Variants in PDE5A observed in about 807,000 individuals in gnomAD.
PDE5A encodes cGMP-specific 3',5'-cyclic phosphodiesterase.
Under a neutral mutation model 110.2 loss-of-function variants are expected in PDE5A, and 67 were observed. The ratio of observed to expected loss-of-function variants is 0.61; its 90% CI spans 0.50 to 0.75. The LOEUF is 0.75. PDE5A is among the 30% of genes least tolerant of loss of function. The pLI, the probability that PDE5A is intolerant of heterozygous loss-of-function variation, is 0.00. For synonymous variants in PDE5A, 328 were observed against 351.2 expected (o/e 0.93, Z 0.74); for missense variants, 862 against 1,045.1 (o/e 0.82, Z 2.42).
intron 5 of PDE5A, among the ~76,000 whole-genome samples, chr4:119,564,287 T>C (rs559561739): frequency 1.2e-4 from 18 of 152,226 alleles, no homozygotes; most frequent in African/African-American, 4.3e-4. Flanking sequence ...TTTAGAATTT[T>C]ATACCCAGCC....
chr4:119,553,501 TCCTC>T, intron 8 of PDE5A, 133 bp downstream of exon 8: 1 of 654,248 alleles, frequency 1.5e-6, no homozygotes, highest in Non-Finnish European at 2.7e-6. Flanking sequence ...TTATTCTCCT[TCCTC>T]AGATGAGGGA....
At chr4:119,597,028 T>C (rs954092483) in intron 2 of PDE5A, among the ~76,000 whole-genome samples, 1 of 152,134 alleles carries the variant, frequency 6.6e-6, no homozygotes, top group Non-Finnish European at 1.5e-5. Context: ...AAGGGCTCTT[T>C]TACAGTTCTT....
intron 20 of PDE5A, among the ~76,000 whole-genome samples, chr4:119,500,635 T>A (rs1210249739): frequency 6.6e-6 from 1 of 152,148 alleles, no homozygotes; most frequent in East Asian, 1.9e-4. Flanking sequence ...ATTTGAGTCA[T>A]AAACATCTAA....
intron 1 of PDE5A, among the ~76,000 whole-genome samples, chr4:119,615,088 T>C (rs1036586160): frequency 3.3e-5 from 5 of 152,120 alleles, no homozygotes; most frequent in African/African-American, 4.8e-5. Flanking sequence ...TTCACTGGAG[T>C]TTGAGATCTT....
intron 6 of PDE5A, among the ~76,000 whole-genome samples, chr4:119,561,740 T>C (rs1225744397): frequency 2.0e-5 from 3 of 152,188 alleles, no homozygotes; most frequent in Middle Eastern, 3.2e-3. Flanking sequence ...ATAGTATCTA[T>C]GAAAATACTG....
At chr4:119,598,052 T>C (rs9997423) in intron 2 of PDE5A, among the ~76,000 whole-genome samples, 2,285 of 152,252 alleles carry the variant, frequency 0.015, 60 homozygotes, top group African/African-American at 0.052. Context: ...CAAGATAATG[T>C]TGATGAATTA....
At chr4:119,502,490 TA>T in intron 19 of PDE5A, 90 bp downstream of exon 19, 1 of 722,272 alleles carries the variant, frequency 1.4e-6, no homozygotes, top group Non-Finnish European at 2.4e-6. Flanking sequence ...ATTGTGGTCC[TA>T]AGGAAAGATC....
rs1452756685 is a variant in PDE5A, at chr4:119,563,462, GT to G, written c.994-493del. Among the ~76,000 whole-genome samples, 17 of 152,064 alleles carry G rather than the reference GT, an allele frequency of 1.1e-4. No individual in the cohort carries two copies. The East Asian group carries it at 2.9e-3, about 26-fold the overall frequency. On this transcript the variant is annotated intron_variant, in intron 5 of 20. Transcript: ENST00000354960. ...ACAAAGTTTTAAGAATTTCCTTTGT[GT>G]TTTTTTCTGGTAGATTTCTCTTTCT...
At chr4:119,553,413 T>G (rs1360281528) in intron 8 of PDE5A, among the ~76,000 whole-genome samples, 1 of 152,074 alleles carries the variant, frequency 6.6e-6, no homozygotes, top group Non-Finnish European at 1.5e-5. Flanking sequence ...GGTAACTTAT[T>G]AATAGACATT....
chr4:119,614,807 T>C (rs1162358571), intron 1 of PDE5A, among the ~76,000 whole-genome samples: 3 of 152,188 alleles, frequency 2.0e-5, no homozygotes, highest in African/African-American at 7.2e-5. Flanking sequence ...CTTTCAGCCA[T>C]GAGTCCTGGG....
rs548602167 is a variant in PDE5A, at chr4:119,580,133, C to G, written c.832-12989G>C. On this transcript the variant is annotated intron_variant, in intron 3 of 20. Coordinates refer to ENST00000354960, the MANE Select transcript of PDE5A (RefSeq NM_001083.4). ...TCAACCTGAGACTGGGGTTCTTCCC[C>G]ACGAGGGAATGCTTGGCATAATTAT... 5.3e-5 allele frequency among the ~76,000 whole-genome samples: 8 copies of G among 152,258 alleles called. No individual in the cohort carries two copies. The South Asian group carries it at 1.7e-3, about 32-fold the overall frequency.
chr4:119,593,240 G>A (rs1206287021), intron 3 of PDE5A, among the ~76,000 whole-genome samples: 3 of 152,204 alleles, frequency 2.0e-5, no homozygotes, highest in African/African-American at 7.2e-5. Flanking sequence ...CCCAAAAGAT[G>A]TGAAAGCATA....
At chr4:119,604,449 C>T (rs1226093134) in intron 2 of PDE5A, among the ~76,000 whole-genome samples, 1 of 152,164 alleles carries the variant, frequency 6.6e-6, no homozygotes, top group African/African-American at 2.4e-5. Context: ...GGATACCCAG[C>T]TGTCACTTAA....
chr4:119,504,642 T>C, intron 17 of PDE5A, 43 bp from the exon 18 acceptor site: 1 of 1,483,070 alleles, frequency 6.7e-7, no homozygotes, highest in Non-Finnish European at 9.4e-7. Context: ...TTTACTTTTG[T>C]GTTATTATAT....
intron 2 of PDE5A, among the ~76,000 whole-genome samples, chr4:119,604,844 C>T (rs191537688): frequency 2.1e-4 from 32 of 152,188 alleles, no homozygotes; most frequent in Non-Finnish European, 3.8e-4. Flanking sequence ...CAAAAGTAAT[C>T]GCAGTTTTTG....
chr4:119,569,200 G>T (rs909749086), intron 3 of PDE5A, among the ~76,000 whole-genome samples: 1 of 151,778 alleles, frequency 6.6e-6, no homozygotes, highest in African/African-American at 2.4e-5. Context: ...ACCATGCCTG[G>T]TTAAATTTTA....
intron 2 of PDE5A, among the ~76,000 whole-genome samples, chr4:119,605,633 T>G (rs1427875090): frequency 6.6e-6 from 1 of 151,884 alleles, no homozygotes; most frequent in Non-Finnish European, 1.5e-5. Flanking sequence ...GATAGCAAAG[T>G]GAGACTCCAT....
intron 1 of PDE5A, among the ~76,000 whole-genome samples, chr4:119,611,855 T>G (rs1227731729): frequency 6.6e-6 from 1 of 152,200 alleles, no homozygotes; most frequent in Non-Finnish European, 1.5e-5. Context: ...TCAAAATCAC[T>G]GATGAACCAA....
At chr4:119,593,275 A>G (rs1729042903) in intron 3 of PDE5A, among the ~76,000 whole-genome samples, 1 of 152,256 alleles carries the variant, frequency 6.6e-6, no homozygotes, top group Admixed American at 6.5e-5. Context: ...TCTGTATGCA[A>G]ACACACTGAC....
Sources: gnomAD v4.1 joint callset for allele counts (sites outside exome capture counted in the v4.1 genomes callset) on GRCh38, gnomAD v4.1.1 for gene constraint, MANE v1.5 for transcripts, NCBI Gene and HGNC (gene_info 2026-07-23, HGNC 2026-07-21) for gene names.